PTPRG: variants seen among roughly 807,000 people sequenced by gnomAD.
PTPRG encodes receptor-type tyrosine-protein phosphatase gamma.
A neutral mutation model predicts 165.3 loss-of-function variants in PTPRG; 102 were observed. The observed-to-expected ratio is 0.62, with a 90% CI of 0.53 to 0.73. PTPRG has a LOEUF of 0.73. Among genes scored for constraint, PTPRG ranks in the 30% least tolerant of loss-of-function variants. The probability of loss-of-function intolerance (pLI) is 0.00; values close to 1 mark genes in which losing one functional copy is unlikely to be tolerated. For synonymous variants in PTPRG, 675 were observed against 669.5 expected, an observed-to-expected ratio of 1.01 and a Z score of -0.13; for missense variants, 1,866 against 1,861.4, an observed-to-expected ratio of 1.00 and a Z score of -0.05.
chr3:61,863,882 A>C (rs1321511523), intron 2 of PTPRG, among the ~76,000 whole-genome samples: 4 of 152,196 alleles, frequency 2.6e-5, no homozygotes, highest in Non-Finnish European at 5.9e-5. Context: ...CCTAGTATGA[A>C]CGTCAGTGTT....
At chr3:61,644,341 G>C (rs993116079) in intron 1 of PTPRG, among the ~76,000 whole-genome samples, 1 of 152,094 alleles carries the variant, frequency 6.6e-6, no homozygotes, top group South Asian at 2.1e-4. Flanking sequence ...TGCATGTACC[G>C]TTTTCCAAAG....
intron 3 of PTPRG, among the ~76,000 whole-genome samples, chr3:61,996,045 G>T (rs1225335178): frequency 6.6e-6 from 1 of 151,962 alleles, no homozygotes; most frequent in Non-Finnish European, 1.5e-5. Flanking sequence ...CCTAGCATTG[G>T]CCCCCTTCTC....
Position 62,190,840 on chromosome 3 carries a change from GT to G in PTPRG, c.1034-628del, listed in dbSNP as rs1699793024. On this transcript the variant is annotated intron_variant, in intron 8 of 29. Transcript: ENST00000474889. The surrounding 1 kb of genome is among the most constrained non-coding windows in gnomAD (Gnocchi z 5.2). Reference sequence around the variant, plus strand: ...ATGAGGCTGAAGTCAGGGGGACACAGTGATTAAGGATCTTTTGGAGACAGCG... The same window carrying G: ...ATGAGGCTGAAGTCAGGGGGACACAGGATTAAGGATCTTTTGGAGACAGCG... 6.6e-6 allele frequency among the ~76,000 whole-genome samples: 1 copy of G among 152,232 alleles called. No homozygotes were observed. The highest frequency in any genetic ancestry group is 1.5e-5 in the Non-Finnish European group (1 of 68,038).
At chr3:61,883,358 C>T (rs533345709) in intron 2 of PTPRG, among the ~76,000 whole-genome samples, 12 of 152,248 alleles carry the variant, frequency 7.9e-5, no homozygotes, top group African/African-American at 2.6e-4. Flanking sequence ...GTGCCCTTCC[C>T]TGTGGTTCTC....
intron 4 of PTPRG, among the ~76,000 whole-genome samples, chr3:62,051,097 G>C (rs1001883116): frequency 1.3e-5 from 2 of 152,126 alleles, no homozygotes; most frequent in East Asian, 1.9e-4. Context: ...AGCCACTTTC[G>C]GGCATAAGTG....
intron 2 of PTPRG, among the ~76,000 whole-genome samples, chr3:61,905,452 G>C (rs2038619180): frequency 6.6e-6 from 1 of 151,908 alleles, no homozygotes. Flanking sequence ...CCAATTCTCA[G>C]GATTCTTTGT....
intron 6 of PTPRG, among the ~76,000 whole-genome samples, chr3:62,144,878 A>G (rs1704062690): frequency 6.6e-6 from 1 of 152,118 alleles, no homozygotes; most frequent in Non-Finnish European, 1.5e-5. Context: ...TTCCTTTTAG[A>G]TTAGGTTTGA....
chr3:61,830,219 G>A (rs2036235090), intron 2 of PTPRG, among the ~76,000 whole-genome samples: 1 of 152,202 alleles, frequency 6.6e-6, no homozygotes, highest in African/African-American at 2.4e-5. Flanking sequence ...AACCTGTGTA[G>A]CAAATCAGAA....
chr3:62,236,981 G>A (rs994860975), intron 14 of PTPRG, among the ~76,000 whole-genome samples: 1 of 151,864 alleles, frequency 6.6e-6, no homozygotes, highest in Non-Finnish European at 1.5e-5. Context: ...AGGTTTGTTT[G>A]TTTGTTTGTT....
At chr3:61,807,924 T>C (rs575782101) in intron 2 of PTPRG, among the ~76,000 whole-genome samples, 1 of 152,306 alleles carries the variant, frequency 6.6e-6, no homozygotes, top group East Asian at 1.9e-4. Flanking sequence ...CACTCTGACA[T>C]ATGGTTCAAC....
chr3:61,765,412 T>A (rs1165019898), intron 2 of PTPRG, among the ~76,000 whole-genome samples: 1 of 152,198 alleles, frequency 6.6e-6, no homozygotes, highest in Non-Finnish European at 1.5e-5. Flanking sequence ...TGAGGTCTCT[T>A]GTGACTATGC....
chr3:62,295,641 A>G lies in PTPRG; in HGVS notation c.*2334A>G, dbSNP rs1033821721. On this transcript the variant is annotated 3_prime_UTR_variant, in exon 30 of 30. Coordinates refer to ENST00000474889, the MANE Select transcript of PTPRG (RefSeq NM_002841.4). ...ATAGAAACAATAAAAGAAAGAGTTT[A>G]GAAGTTCCCTGTGAGCAATCTGTGT... is the stretch of plus-strand genomic sequence containing the variant. The G allele has an allele frequency of 2.0e-5, 3 of 152,140 alleles. No homozygotes were observed. Among genetic ancestry groups the G allele is most frequent in the African/African-American group, 7.2e-5 (3 of 41,444 alleles). 9.4% of individuals were successfully genotyped at this position (152,140 alleles called of 1,614,324 possible). A position where few individuals can be genotyped will look rare whatever the true frequency, so the allele number is the denominator to read the frequency against.
chr3:62,053,448 G>A (rs1438359847), intron 4 of PTPRG, among the ~76,000 whole-genome samples: 3 of 151,930 alleles, frequency 2.0e-5, no homozygotes, highest in African/African-American at 7.3e-5. Context: ...TGTATTTTTA[G>A]TAGAGACGGG....
intron 5 of PTPRG, among the ~76,000 whole-genome samples, chr3:62,094,567 A>G (rs1702047232): frequency 1.3e-5 from 2 of 152,138 alleles, no homozygotes; most frequent in African/African-American, 4.8e-5. Flanking sequence ...GTTGACGGTT[A>G]TTGCCATGCA....
intron 10 of PTPRG, among the ~76,000 whole-genome samples, chr3:62,197,093 C>T (rs1699983395): frequency 6.6e-6 from 1 of 152,202 alleles, no homozygotes; most frequent in South Asian, 2.1e-4. Context: ...GACCTCTGGT[C>T]TGAGTCCCAG....
chr3:62,242,390 G>A (rs966732474), intron 14 of PTPRG, among the ~76,000 whole-genome samples: 1 of 152,186 alleles, frequency 6.6e-6, no homozygotes, highest in Non-Finnish European at 1.5e-5. Context: ...TGTGTCAAGA[G>A]TTGTAGTAAC....
intron 5 of PTPRG, among the ~76,000 whole-genome samples, chr3:62,093,074 G>A (rs188766968): frequency 2.0e-5 from 3 of 152,196 alleles, no homozygotes; most frequent in African/African-American, 7.2e-5. Flanking sequence ...CCACCCCTGG[G>A]ATTTAGATGT....
chr3:61,610,316 C>T (rs1701130837), intron 1 of PTPRG, among the ~76,000 whole-genome samples: 1 of 152,076 alleles, frequency 6.6e-6, no homozygotes, highest in African/African-American at 2.4e-5. Context: ...ATAAAATCTG[C>T]AGTACTACTA....
chr3:62,094,676 G>T (rs1356087260), intron 5 of PTPRG, among the ~76,000 whole-genome samples: 1 of 152,214 alleles, frequency 6.6e-6, no homozygotes, highest in East Asian at 1.9e-4. Flanking sequence ...AGTACCCAGA[G>T]CCAGTTCTCT....
Sources: gnomAD v4.1 joint callset for allele counts (sites outside exome capture counted in the v4.1 genomes callset) on GRCh38, gnomAD v4.1.1 for gene constraint, Gnocchi (gnomAD v3.1) non-coding constraint, MANE v1.5 for transcripts, NCBI Gene and HGNC (gene_info 2026-07-23, HGNC 2026-07-21) for gene names.